BIRC3: variants seen among roughly 807,000 people sequenced by gnomAD.
BIRC3 encodes the protein baculoviral IAP repeat containing 3.
BIRC3 carries 26 observed loss-of-function variants against 59.0 expected under a neutral mutation model. The observed-to-expected ratio is 0.44, with a 90% CI of 0.32 to 0.61. BIRC3 has a LOEUF of 0.61. Among genes scored for constraint, BIRC3 ranks in the 20% least tolerant of loss-of-function variants. BIRC3 has a pLI of 0.04. For synonymous variants in BIRC3, 243 were observed against 249.2 expected, an observed-to-expected ratio of 0.98 and a Z score of 0.24; for missense variants, 641 against 711.5, an observed-to-expected ratio of 0.90 and a Z score of 1.13.
At chr11:102,330,504 G>A (rs1414512758) in intron 5 of BIRC3, among the ~76,000 whole-genome samples, 4 of 152,204 alleles carry the variant, frequency 2.6e-5, no homozygotes, top group Admixed American at 1.3e-4. Context: ...TATCCTAAGA[G>A]CAATGGAATT....
chr11:102,321,868 AT>A lies in BIRC3; in HGVS notation c.-2633del, dbSNP rs1254331112. ...AAAGGAGGAAAACGACTTCTTCTAG[AT>A]TTTTTTTTCAGTTTCTTCTATAAAT... On this transcript the variant is annotated 5_prime_UTR_variant, in exon 2 of 9. Transcript: ENST00000263464. 2.8e-5 allele frequency: 5 copies of A among 179,530 alleles called. No individual in the cohort carries two copies. Among genetic ancestry groups the A allele is most frequent in the East Asian group, 1.8e-4 (2 of 10,930 alleles). The allele number at this position is 179,530 out of a possible 1,614,324, so 11.1% of individuals were successfully genotyped here.
At chr11:102,334,360 C>T (rs544554015) in intron 6 of BIRC3, among the ~76,000 whole-genome samples, 9 of 152,332 alleles carry the variant, frequency 5.9e-5, no homozygotes, top group African/African-American at 1.9e-4. Context: ...TTGTGCCAGA[C>T]ACTATTCTAG....
intron 3 of BIRC3, chr11:102,326,785 G>T: frequency 2.2e-6 from 1 of 454,626 alleles, no homozygotes; most frequent in African/African-American, 2.0e-5. Flanking sequence ...TCAGCTCACT[G>T]CAACCTCCGC....
At position 102,324,388 on chromosome 11, in the gene BIRC3, A is replaced by G. The variant is rs992142363; in HGVS notation, c.-122A>G. On this transcript the variant is annotated 5_prime_UTR_variant, in exon 2 of 9. Coordinates refer to ENST00000263464, the MANE Select transcript of BIRC3 (RefSeq NM_001165.5). Reference sequence around the variant, plus strand: ...AAACTCTAAATGCATAGAAATAAAAATAATAAAAAATTTTTCATTTTGGCT... The same window carrying G: ...AAACTCTAAATGCATAGAAATAAAAGTAATAAAAAATTTTTCATTTTGGCT... The G allele has an allele frequency of 1.3e-5, 15 of 1,144,958 alleles. No individual in the cohort carries two copies. In the Admixed American group the frequency reaches 4.2e-4, roughly 32 times the overall value. The allele number at this position is 1,144,958 out of a possible 1,614,324, so 70.9% of individuals were successfully genotyped here.
Position 102,336,806 on chromosome 11 carries a change from T to C in BIRC3, c.1621+5T>C. ...TTCCCACAGAAGATGTTTCAGGTAA[T>C]AGTACTAATATTTTAAATCAATAGA... On this transcript the variant is annotated splice_donor_5th_base_variant and intron_variant, in intron 8 of 8. Coordinates refer to ENST00000263464, the MANE Select transcript of BIRC3 (RefSeq NM_001165.5). The C allele has an allele frequency of 2.5e-6, 4 of 1,605,132 alleles. No individual in the cohort carries two copies. The highest frequency in any genetic ancestry group is 1.1e-5 in the South Asian group (1 of 88,860).
chr11:102,318,229 A>G (rs2135779636), intron 1 of BIRC3, among the ~76,000 whole-genome samples: 1 of 152,340 alleles, frequency 6.6e-6, no homozygotes, highest in South Asian at 2.1e-4. Context: ...AATCTTAAGA[A>G]GCAGGTACCA....
intron 3 of BIRC3, among the ~76,000 whole-genome samples, chr11:102,326,471 T>C (rs959815519): frequency 2.0e-5 from 3 of 152,228 alleles, no homozygotes; most frequent in Non-Finnish European, 4.4e-5. Flanking sequence ...GGTAAGAAAC[T>C]TAATGTACTA....
chr11:102,330,891 A>G (rs1173464995), intron 5 of BIRC3, 108 bp from the exon 6 acceptor site: 1 of 1,190,422 alleles, frequency 8.4e-7, no homozygotes. Flanking sequence ...TGTTGGTTTT[A>G]CATTTTTAAT....
At chr11:102,335,935 C>A in intron 6 of BIRC3, 31 bp from the exon 7 acceptor site, 1 of 1,580,356 alleles carries the variant, frequency 6.3e-7, no homozygotes, top group South Asian at 1.2e-5. Context: ...AGAGTTTGAA[C>A]ATGTTTATGC....
In BIRC3 at chr11:102,324,728, G is replaced by A. The variant is rs1315791486; in HGVS notation, c.219G>A (p.Leu73=). ...AATGCTTCTGTTGTGGCCTGATGCTGGATAACTGGAAAAGAGGAGACAGTC... is the reference window on the plus strand; with the variant it reads ...AATGCTTCTGTTGTGGCCTGATGCTAGATAACTGGAAAAGAGGAGACAGTC... The part of the protein sequence containing the change: ...KVKCFCCGLM[L]DNWKRGDSPT... Residue 73 remains leucine (L), a synonymous_variant, in exon 2 of 9, where the codon CTG becomes CTA. Coordinates refer to ENST00000263464, the MANE Select transcript of BIRC3 (RefSeq NM_001165.5). 1.9e-6 allele frequency: 3 copies of A among 1,614,134 alleles called. No individual in the cohort carries two copies. The highest frequency in any genetic ancestry group is 2.5e-6 in the Non-Finnish European group (3 of 1,180,024).
chr11:102,318,302 T>C (rs2135779735), intron 1 of BIRC3, among the ~76,000 whole-genome samples: 1 of 152,352 alleles, frequency 6.6e-6, no homozygotes. Context: ...TGCAAGGTCA[T>C]GCTTCTGGTT....
chr11:102,337,100 TGAA>T lies in BIRC3; in HGVS notation c.*5_*7del. 1 of 1,489,516 alleles carries T rather than the reference TGAA, an allele frequency of 6.7e-7. No homozygotes were observed. The highest frequency in any genetic ancestry group is 8.9e-7 in the Non-Finnish European group (1 of 1,125,744). The allele number at this position is 1,489,516 out of a possible 1,614,324, so 92.3% of individuals were successfully genotyped here. On this transcript the variant is annotated stop_retained_variant and 3_prime_UTR_variant, in exon 9 of 9. Coordinates refer to ENST00000263464, the MANE Select transcript of BIRC3 (RefSeq NM_001165.5). ...GGGTACAGTTCGTACATTTCTTTCA[TGAA>T]GAAGAACCAAAACATCGTCTAAACT... is the stretch of plus-strand genomic sequence containing the variant.
chr11:102,333,828 T>A (rs376919530), intron 6 of BIRC3, among the ~76,000 whole-genome samples: 21 of 152,246 alleles, frequency 1.4e-4, no homozygotes, highest in African/African-American at 5.1e-4. Context: ...AGGCTGAATG[T>A]GGTGACTCAT....
At chr11:102,335,693 T>A (rs1011021470) in intron 6 of BIRC3, among the ~76,000 whole-genome samples, 1 of 152,066 alleles carries the variant, frequency 6.6e-6, no homozygotes, top group Non-Finnish European at 1.5e-5. Flanking sequence ...TGTTGCCCAG[T>A]CTGGTCTCTG....
At position 102,328,129 on chromosome 11, in the gene BIRC3, A is replaced by G. The variant is rs1951103625; in HGVS notation, c.1031A>G (p.Gln344Arg). 1 of 1,603,946 alleles carries G rather than the reference A, an allele frequency of 6.2e-7. No homozygotes were observed. Among genetic ancestry groups the G allele is most frequent in the East Asian group, 2.3e-5 (1 of 44,400 alleles). Residue 344 changes from glutamine to arginine, a missense_variant and splice_region_variant, in exon 4 of 9, where the codon CAG becomes CGG. Around this residue, in one of 4 missense-constraint regions of BIRC3, gnomAD observed 268 missense variants for 255.7 expected, o/e 1.05. Transcript: ENST00000263464. The part of the protein sequence containing the change: ...VQASYPHLLE[Q>R]LLSTSDSPGD... The stretch of plus-strand genomic sequence containing the variant: ...GCCAGTTACCCTCATCTACTTGAAC[A>G]GGTAGGGCAAGTTCTTTTTTTAAAT...
Position 102,326,016 on chromosome 11 carries a change from G to A in BIRC3, c.953+451G>A, listed in dbSNP as rs550953786. 4.6e-5 allele frequency among the ~76,000 whole-genome samples: 7 copies of A among 152,152 alleles called. No individual in the cohort carries two copies. The South Asian group carries it at 1.4e-3, about 32-fold the overall frequency. The stretch of plus-strand genomic sequence containing the variant: ...AATAAATGTACACCATTTTACATAA[G>A]TTAAATATTATATCTAGTTTTGAAG... On this transcript the variant is annotated intron_variant, in intron 3 of 8. Transcript: ENST00000263464.
rs1951209695 is a variant in BIRC3 at position 102,337,568 on chromosome 11, C to G, written c.*466C>G. 2.6e-6 allele frequency: 1 copy of G among 380,772 alleles called. No homozygotes were observed. The highest frequency in any genetic ancestry group is 2.1e-5 in the African/African-American group (1 of 48,228). The allele number at this position is 380,772 out of a possible 1,614,324, so 23.6% of individuals were successfully genotyped here. A position where few individuals can be genotyped will look rare whatever the true frequency, so the allele number is the denominator to read the frequency against. On this transcript the variant is annotated 3_prime_UTR_variant, in exon 9 of 9. Coordinates refer to ENST00000263464, the MANE Select transcript of BIRC3 (RefSeq NM_001165.5). Reference sequence around the variant, plus strand: ...CATACTGAGACCCTGCCTTTAAAAACAAACAGAACAAAAACAAAACACCAG... The same window carrying G: ...CATACTGAGACCCTGCCTTTAAAAAGAAACAGAACAAAAACAAAACACCAG...
rs1211641746 is a variant in BIRC3, at chr11:102,338,278, G to A, written c.*1176G>A. On this transcript the variant is annotated 3_prime_UTR_variant, in exon 9 of 9. Coordinates refer to ENST00000263464, the MANE Select transcript of BIRC3 (RefSeq NM_001165.5). ...AATACTCAGGGGAAGGCAGGCAAAG[G>A]CTAGTCATCTAAACCAGTTCTAGAT... 2 of 228,116 alleles carry A rather than the reference G, an allele frequency of 8.8e-6. No individual in the cohort carries two copies. Among genetic ancestry groups the A allele is most frequent in the Non-Finnish European group, 1.7e-5 (2 of 114,966 alleles). The allele number at this position is 228,116 out of a possible 1,614,324, so 14.1% of individuals were successfully genotyped here.
chr11:102,319,654 T>C (rs1312699543), intron 1 of BIRC3, among the ~76,000 whole-genome samples: 2 of 152,142 alleles, frequency 1.3e-5, no homozygotes, highest in African/African-American at 4.8e-5. Flanking sequence ...GAAAATGAGA[T>C]GGAGTGCAGT....
Sources: allele counts gnomAD v4.1 joint callset (sites outside exome capture counted in the v4.1 genomes callset), GRCh38; gene constraint gnomAD v4.1.1; regional missense constraint gnomAD v4.1.1; transcripts MANE v1.5; gene names NCBI Gene and HGNC (gene_info 2026-07-23, HGNC 2026-07-21).